The following FSTL5 variants were observed in gnomAD, a reference collection of about 807,000 sequenced individuals.
The protein encoded by FSTL5 is follistatin-related protein 5.
Under a neutral mutation model 89.1 loss-of-function variants are expected in FSTL5, and 62 were observed. The ratio of observed to expected loss-of-function variants is 0.70; its 90% CI spans 0.57 to 0.86. The LOEUF is 0.86. FSTL5 is among the 40% of genes least tolerant of loss of function. The pLI is 0.00. For synonymous variants in FSTL5, 383 were observed against 346.2 expected (o/e 1.11, Z -1.18); for missense variants, 1,057 against 1,001.6 (o/e 1.06, Z -0.75).
intron 10 of FSTL5, among the ~76,000 whole-genome samples, chr4:161,518,914 TC>T (rs1730930713): frequency 6.6e-6 from 1 of 152,162 alleles, no homozygotes; most frequent in Non-Finnish European, 1.5e-5. Context: ...TGCTGGAAGA[TC>T]CACTTCTTAA....
intron 6 of FSTL5, among the ~76,000 whole-genome samples, chr4:161,689,239 A>G (rs1737843364): frequency 6.6e-6 from 1 of 152,174 alleles, no homozygotes; most frequent in Admixed American, 6.5e-5. Flanking sequence ...TCTATATAGA[A>G]CAAACTCTAT....
chr4:162,088,954 A>G (rs1025129716), intron 2 of FSTL5, among the ~76,000 whole-genome samples: 16 of 152,264 alleles, frequency 1.1e-4, no homozygotes, highest in East Asian at 7.7e-4. Flanking sequence ...TTGATCCCCA[A>G]TGCATCAGTG....
intron 4 of FSTL5, among the ~76,000 whole-genome samples, chr4:161,869,836 T>C (rs1579156645): frequency 6.6e-6 from 1 of 152,330 alleles, no homozygotes; most frequent in East Asian, 1.9e-4. Context: ...GGTGTATGTG[T>C]CTTACATTGA....
chr4:162,038,087 G>C (rs1262361334), intron 2 of FSTL5, among the ~76,000 whole-genome samples: 1 of 151,848 alleles, frequency 6.6e-6, no homozygotes, highest in Non-Finnish European at 1.5e-5. Context: ...GAAGACTTAG[G>C]TCTTGTCCAT....
intron 4 of FSTL5, among the ~76,000 whole-genome samples, chr4:161,799,676 G>A (rs548123655): frequency 6.6e-6 from 1 of 151,732 alleles, no homozygotes; most frequent in East Asian, 1.9e-4. Context: ...TTCAAGCAGA[G>A]CATTAATATA....
rs577722705 is a variant in FSTL5, at chr4:161,991,986, A to C, written c.160+41639T>G. 2.0e-5 allele frequency among the ~76,000 whole-genome samples: 3 copies of C among 152,294 alleles called. No homozygotes were observed. The East Asian group carries it at 5.8e-4, about 29-fold the overall frequency. ...AGGCAGAAGGAGCCTCAAGTGCAAA[A>C]ATCCCAGGAAGAGGCCACCTGCGGT... On this transcript the variant is annotated intron_variant, in intron 3 of 15. Transcript: ENST00000306100.
intron 8 of FSTL5, among the ~76,000 whole-genome samples, chr4:161,583,566 A>C (rs2126602645): frequency 6.6e-6 from 1 of 151,414 alleles, no homozygotes; most frequent in East Asian, 2.0e-4. Context: ...CCTTGTTGAT[A>C]TAAATGCAGT....
At chr4:161,637,739 G>C (rs1255954127) in intron 7 of FSTL5, among the ~76,000 whole-genome samples, 35 of 117,396 alleles carry the variant, frequency 3.0e-4, no homozygotes, top group African/African-American at 1.4e-3. Context: ...CCCATTGCTT[G>C]TTTTTCTCAG....
At chr4:161,825,438 A>T (rs1365893157) in intron 4 of FSTL5, among the ~76,000 whole-genome samples, 1 of 151,896 alleles carries the variant, frequency 6.6e-6, no homozygotes, top group Non-Finnish European at 1.5e-5. Flanking sequence ...TTCTTTTTTT[A>T]TCTTGTGGGA....
chr4:161,636,555 G>A (rs1160431402), intron 7 of FSTL5, among the ~76,000 whole-genome samples: 1 of 148,220 alleles, frequency 6.7e-6, no homozygotes, highest in Non-Finnish European at 1.5e-5. Flanking sequence ...CTGGTGCGCT[G>A]CACGCACTAA....
intron 8 of FSTL5, among the ~76,000 whole-genome samples, 157 bp downstream of exon 8, chr4:161,587,298 T>G (rs1426551855): frequency 1.4e-5 from 2 of 146,214 alleles, no homozygotes; most frequent in African/African-American, 5.2e-5. Context: ...AATTTTGTGT[T>G]TTTTTTTTTT....
intron 12 of FSTL5, among the ~76,000 whole-genome samples, chr4:161,486,585 A>C (rs1729687747): frequency 6.6e-6 from 1 of 152,166 alleles, no homozygotes; most frequent in African/African-American, 2.4e-5. Context: ...TCAGGTTCCT[A>C]AGACAGGCAG....
At chr4:162,040,858 A>G (rs1189950930) in intron 2 of FSTL5, among the ~76,000 whole-genome samples, 2 of 152,086 alleles carry the variant, frequency 1.3e-5, no homozygotes, top group South Asian at 2.1e-4. Flanking sequence ...TACTTCTAAG[A>G]ATAATATATG....
At chr4:162,046,858 G>C (rs1268714504) in intron 2 of FSTL5, among the ~76,000 whole-genome samples, 3 of 151,974 alleles carry the variant, frequency 2.0e-5, no homozygotes, top group Non-Finnish European at 4.4e-5. Context: ...TAATAGATTT[G>C]GGTTTCTAAT....
intron 10 of FSTL5, among the ~76,000 whole-genome samples, chr4:161,510,679 C>T (rs1310072530): frequency 6.6e-6 from 1 of 151,644 alleles, no homozygotes; most frequent in East Asian, 1.9e-4. Context: ...AAACAAAGAA[C>T]ATTTTACTCT....
chr4:161,655,079 T>C (rs1447054658), intron 7 of FSTL5, among the ~76,000 whole-genome samples: 1 of 152,190 alleles, frequency 6.6e-6, no homozygotes, highest in Non-Finnish European at 1.5e-5. Context: ...TAATATTTCT[T>C]ATTTCGAATA....
At chr4:161,433,510 T>C (rs1263416295) in intron 15 of FSTL5, among the ~76,000 whole-genome samples, 3 of 152,062 alleles carry the variant, frequency 2.0e-5, no homozygotes, top group Non-Finnish European at 4.4e-5. Context: ...ACAACAGGAA[T>C]GCCCACTTTC....
chr4:162,111,959 G>C (rs987788159), intron 1 of FSTL5, among the ~76,000 whole-genome samples: 2 of 152,074 alleles, frequency 1.3e-5, no homozygotes, highest in Non-Finnish European at 2.9e-5. Flanking sequence ...TACTTTTTCA[G>C]TATTTAAAAA....
chr4:161,966,936 G>A (rs1032169445), intron 3 of FSTL5, among the ~76,000 whole-genome samples: 5 of 151,528 alleles, frequency 3.3e-5, no homozygotes, highest in East Asian at 3.9e-4. Flanking sequence ...GACCAACTTC[G>A]CTTTAAATAC....
Sources: gnomAD v4.1 joint callset for allele counts (sites outside exome capture counted in the v4.1 genomes callset) on GRCh38, gnomAD v4.1.1 for gene constraint, MANE v1.5 for transcripts, NCBI Gene and HGNC (gene_info 2026-07-23, HGNC 2026-07-21) for gene names.